The following TENM3 variants were observed in gnomAD, a reference collection of about 807,000 sequenced individuals.
TENM3 encodes teneurin-3.
Under a neutral mutation model 255.1 loss-of-function variants are expected in TENM3, and 63 were observed. That is an observed-to-expected ratio of 0.25 (90% CI 0.20 to 0.30). TENM3 has a LOEUF of 0.30. TENM3 is among the 10% of genes least tolerant of loss of function. The probability of loss-of-function intolerance (pLI) is 1.00; values close to 1 mark genes in which losing one functional copy is unlikely to be tolerated. For missense variants in TENM3, 2,929 were observed against 3,461.1 expected (o/e 0.85, Z 3.86); for synonymous variants, 1,306 against 1,322.3 (o/e 0.99, Z 0.27).
chr4:182,045,770 C>T, the TENM3 span, among the ~76,000 whole-genome samples: 1,979 of 152,274 alleles, frequency 0.013, 49 homozygotes, highest in African/African-American at 0.044. Flanking sequence ...AAACCTAGGC[C>T]GGGCACAGTG....
the TENM3 span, among the ~76,000 whole-genome samples, chr4:181,827,494 G>A: frequency 7.9e-5 from 12 of 152,288 alleles, no homozygotes; most frequent in Admixed American, 5.9e-4. Context: ...CCAGCACAGC[G>A]CTTTTCTGCT....
chr4:181,663,682 G>A, the TENM3 span, among the ~76,000 whole-genome samples: 3 of 152,184 alleles, frequency 2.0e-5, no homozygotes, highest in Non-Finnish European at 4.4e-5. Flanking sequence ...GTTTTTCTGA[G>A]TGAGGTTTGA....
chr4:182,701,867 A>G (rs1757905868), intron 12 of TENM3, among the ~76,000 whole-genome samples: 1 of 152,216 alleles, frequency 6.6e-6, no homozygotes, highest in Non-Finnish European at 1.5e-5. Flanking sequence ...CCATTCTGCT[A>G]TGAAAAGTTA....
chr4:181,478,853 G>A, the TENM3 span, among the ~76,000 whole-genome samples: 3 of 152,230 alleles, frequency 2.0e-5, no homozygotes, highest in Admixed American at 6.5e-5. Context: ...TGGTTTTCAC[G>A]CTGAGCTCAA....
chr4:182,414,738 T>C (rs1013122652), intron 3 of TENM3, among the ~76,000 whole-genome samples: 1 of 152,222 alleles, frequency 6.6e-6, no homozygotes, highest in African/African-American at 2.4e-5. Context: ...CTCAAAGATC[T>C]ATTGTGGGAC....
At chr4:182,605,707 T>G (rs972214367) in intron 4 of TENM3, among the ~76,000 whole-genome samples, 1 of 152,132 alleles carries the variant, frequency 6.6e-6, no homozygotes, top group African/African-American at 2.4e-5. Flanking sequence ...TTAAGGCCTA[T>G]TTCAAGCCCT....
chr4:181,670,257 T>C, the TENM3 span, among the ~76,000 whole-genome samples: 1 of 152,056 alleles, frequency 6.6e-6, no homozygotes, highest in Non-Finnish European at 1.5e-5. Context: ...ATTTGAAAAA[T>C]GAGGAGGTAA....
chr4:182,391,761 C>T (rs1561399114), intron 3 of TENM3, among the ~76,000 whole-genome samples: 1 of 152,068 alleles, frequency 6.6e-6, no homozygotes, highest in Non-Finnish European at 1.5e-5. Flanking sequence ...TGGCACTGGC[C>T]TGCATAAAGT....
chr4:182,585,708 G>A (rs7694288), intron 3 of TENM3, among the ~76,000 whole-genome samples: 99,296 of 152,108 alleles, frequency 0.65, 34,759 homozygotes, highest in Non-Finnish European at 0.78. Context: ...GAGCAGACCA[G>A]TACGTCACAT....
intron 3 of TENM3, among the ~76,000 whole-genome samples, chr4:182,372,453 A>C (rs188293574): frequency 1.1e-3 from 175 of 152,360 alleles, no homozygotes; most frequent in African/African-American, 4.0e-3. Flanking sequence ...TTTAAGCTTT[A>C]AATATATCAT....
the TENM3 span, among the ~76,000 whole-genome samples, chr4:182,113,910 T>C: frequency 3.3e-5 from 5 of 152,200 alleles, no homozygotes; most frequent in Non-Finnish European, 5.9e-5. Context: ...TGCTAAGATA[T>C]ACTCATCATT....
the TENM3 span, among the ~76,000 whole-genome samples, chr4:182,023,262 T>G: frequency 6.6e-6 from 1 of 152,214 alleles, no homozygotes; most frequent in African/African-American, 2.4e-5. Context: ...CACGAAGGCA[T>G]GTAAAAATAC....
chr4:182,396,689 C>T (rs541780294), intron 3 of TENM3, among the ~76,000 whole-genome samples: 6 of 152,154 alleles, frequency 3.9e-5, no homozygotes, highest in Admixed American at 6.5e-5. Flanking sequence ...TGACCAGGCA[C>T]GGTGGTTCAC....
intron 1 of TENM3, among the ~76,000 whole-genome samples, chr4:182,219,903 G>T (rs550974700): frequency 6.6e-6 from 1 of 152,234 alleles, no homozygotes; most frequent in East Asian, 1.9e-4. Flanking sequence ...ATATTGTTTG[G>T]CAAGATTGTA....
chr4:181,791,414 A>G, the TENM3 span, among the ~76,000 whole-genome samples: 1 of 152,238 alleles, frequency 6.6e-6, no homozygotes, highest in African/African-American at 2.4e-5. Flanking sequence ...AATACAAATC[A>G]TAATTTTATA....
the TENM3 span, among the ~76,000 whole-genome samples, chr4:181,882,979 A>G: frequency 2.0e-5 from 3 of 152,190 alleles, no homozygotes; most frequent in African/African-American, 7.2e-5. Flanking sequence ...TCCTGGATAG[A>G]ATAATTTTTC....
At chr4:182,326,168 G>GCC (rs1251878844) in intron 2 of TENM3, among the ~76,000 whole-genome samples, 72 of 152,318 alleles carry the variant, frequency 4.7e-4, no homozygotes, top group African/African-American at 1.7e-3. Flanking sequence ...AGTGTGTGAT[G>GCC]GTGCCGCAGG....
At chr4:182,493,488 G>A (rs1307184085) in intron 3 of TENM3, among the ~76,000 whole-genome samples, 2 of 152,104 alleles carry the variant, frequency 1.3e-5, no homozygotes, top group Non-Finnish European at 2.9e-5. Flanking sequence ...AAATGGGATT[G>A]TAAAAATCCT....
At position 182,751,814 on chromosome 4, in the gene TENM3, A is replaced by G. The variant is rs1294541130; in HGVS notation, c.3644A>G (p.His1215Arg). The G allele has an allele frequency of 6.2e-7, 1 of 1,613,706 alleles. No individual in the cohort carries two copies. The highest frequency in any genetic ancestry group is 2.2e-5 in the East Asian group (1 of 44,876). ...CCTTTTCACAGCAGCAACCCAGCTC[A>G]TAGATACTACCTTGCAACGGATCCA... ...SVLELSSNPAHRYYLATDPVT... is the reference protein window; with the variant it reads ...SVLELSSNPARRYYLATDPVT... Residue 1215 changes from histidine to arginine, a missense_variant, in exon 20 of 28, where the codon CAT becomes CGT. By Grantham distance (29) the His-to-Arg change is conservative. Transcript: ENST00000511685.
Sources: allele counts gnomAD v4.1 joint callset (sites outside exome capture counted in the v4.1 genomes callset), GRCh38; gene constraint gnomAD v4.1.1; transcripts MANE v1.5; gene names NCBI Gene and HGNC (gene_info 2026-07-23, HGNC 2026-07-21).